IL1RAPL2: variants seen among roughly 807,000 people sequenced by gnomAD.
The protein encoded by IL1RAPL2 is interleukin 1 receptor accessory protein like 2, also known as X-linked interleukin-1 receptor accessory protein-like 2.
Under a neutral mutation model 44.1 loss-of-function variants are expected in IL1RAPL2, and 3 were observed. The observed-to-expected ratio is 0.07, with a 90% CI of 0.03 to 0.18. The LOEUF is 0.18. Ranked by LOEUF, IL1RAPL2 falls within the 10% of genes least tolerant of loss-of-function variation. The probability of loss-of-function intolerance (pLI) is 1.00; values close to 1 mark genes in which losing one functional copy is unlikely to be tolerated. For missense variants in IL1RAPL2, 391 were observed against 496.4 expected, an observed-to-expected ratio of 0.79 and a Z score of 2.02; for synonymous variants, 181 against 178.8, an observed-to-expected ratio of 1.01 and a Z score of -0.10.
Position 105,308,650 on chromosome X carries a change from A to G in IL1RAPL2, c.697+41109A>G, listed in dbSNP as rs139511121. On this transcript the variant is annotated intron_variant, in intron 5 of 10. Coordinates refer to ENST00000372582, the MANE Select transcript of IL1RAPL2 (RefSeq NM_017416.2). ...CTGTGAGATCCATTCATGTTATTGC[A>G]TGTGTCATTCTCCTTTATTACTAAA... Among the ~76,000 whole-genome samples the G allele has an allele frequency of 1.1e-3, 121 of 112,371 alleles. 1 individual carries two copies. Among genetic ancestry groups the G allele is most frequent in the African/African-American group, 3.8e-3 (117 of 30,994 alleles).
At chrX:105,166,949 C>A (rs2033376347) in intron 2 of IL1RAPL2, among the ~76,000 whole-genome samples, 1 of 112,283 alleles carries the variant, frequency 8.9e-6, no homozygotes, top group African/African-American at 3.2e-5. Flanking sequence ...CTTAAACTAA[C>A]TACAAGACCA....
chrX:104,928,375 CCTTCTTAGT>C (rs1924821823), intron 2 of IL1RAPL2, among the ~76,000 whole-genome samples: 2 of 111,106 alleles, frequency 1.8e-5, no homozygotes, highest in South Asian at 7.7e-4. Flanking sequence ...CCCTCATTAT[CCTTCTTAGT>C]CTGCATTGAG....
chrX:105,339,457 A>G (rs190629533), intron 5 of IL1RAPL2, among the ~76,000 whole-genome samples: 39 of 111,962 alleles, frequency 3.5e-4, no homozygotes, highest in African/African-American at 1.2e-3. Context: ...AAAGACAGGG[A>G]GATGATGGAG....
intron 2 of IL1RAPL2, among the ~76,000 whole-genome samples, chrX:104,762,621 C>T (rs1390937374): frequency 8.9e-6 from 1 of 112,989 alleles, no homozygotes; most frequent in African/African-American, 3.2e-5. Context: ...ACTTCCCTAG[C>T]AGAGGTTCTC....
At chrX:105,372,113 A>G (rs2035345727) in intron 5 of IL1RAPL2, among the ~76,000 whole-genome samples, 1 of 111,380 alleles carries the variant, frequency 9.0e-6, no homozygotes, top group Non-Finnish European at 1.9e-5. Flanking sequence ...CTCTTAAGCT[A>G]CAACCTGTCC....
intron 6 of IL1RAPL2, among the ~76,000 whole-genome samples, chrX:105,497,674 A>G (rs1382720974): frequency 1.8e-5 from 2 of 111,935 alleles, no homozygotes; most frequent in Non-Finnish European, 3.8e-5. Context: ...CAAAGTCTTC[A>G]ACAAAATACT....
intron 2 of IL1RAPL2, among the ~76,000 whole-genome samples, chrX:104,905,895 A>T (rs1923982395): frequency 9.0e-6 from 1 of 110,563 alleles, no homozygotes; most frequent in Admixed American, 9.6e-5. Context: ...TACCTTGGGC[A>T]GTATGGCCAT....
chrX:104,794,765 G>T (rs1305618665), intron 2 of IL1RAPL2, among the ~76,000 whole-genome samples: 2 of 111,833 alleles, frequency 1.8e-5, no homozygotes, highest in Non-Finnish European at 3.8e-5. Context: ...GGATGGAAGC[G>T]TTGATAGTAC....
intron 2 of IL1RAPL2, among the ~76,000 whole-genome samples, chrX:104,919,705 T>A: frequency 9.8e-6 from 1 of 102,229 alleles, no homozygotes; most frequent in South Asian, 4.8e-4. Flanking sequence ...TTTTTTTTTT[T>A]TTTTTTTGTA....
At chrX:105,718,381 AAT>A (rs1256084020) in intron 7 of IL1RAPL2, among the ~76,000 whole-genome samples, 1 of 112,061 alleles carries the variant, frequency 8.9e-6, no homozygotes, top group Non-Finnish European at 1.9e-5. Context: ...TGTTATTTAT[AAT>A]TACTCTCATG....
intron 6 of IL1RAPL2, among the ~76,000 whole-genome samples, chrX:105,662,474 TAAAC>T (rs1474351482): frequency 1.8e-5 from 2 of 111,935 alleles, no homozygotes; most frequent in Non-Finnish European, 3.8e-5. Flanking sequence ...ATGCCCAAAA[TAAAC>T]AAGTTAGCCA....
chrX:104,812,374 T>C (rs935914301), intron 2 of IL1RAPL2, among the ~76,000 whole-genome samples: 1 of 111,355 alleles, frequency 9.0e-6, no homozygotes, highest in African/African-American at 3.3e-5. Context: ...AACTGACCCA[T>C]AGACCTTCCC....
chrX:105,543,551 T>G (rs1005217030), intron 6 of IL1RAPL2, among the ~76,000 whole-genome samples: 1 of 111,934 alleles, frequency 8.9e-6, no homozygotes, highest in Admixed American at 9.5e-5. Flanking sequence ...CCTGGAGGGC[T>G]GGCTGAGGCT....
intron 10 of IL1RAPL2, among the ~76,000 whole-genome samples, chrX:105,760,423 G>A (rs2038677345): frequency 9.0e-6 from 1 of 111,662 alleles, no homozygotes. Context: ...GAGGTGGAGG[G>A]TATTTTGCAG....
intron 2 of IL1RAPL2, among the ~76,000 whole-genome samples, chrX:104,891,891 T>G (rs1055693776): frequency 2.7e-5 from 3 of 111,717 alleles, no homozygotes; most frequent in Admixed American, 1.9e-4. Context: ...AAGGGAATGC[T>G]TCCAGTTTTT....
intron 2 of IL1RAPL2, among the ~76,000 whole-genome samples, chrX:105,063,251 A>AT (rs1179830962): frequency 2.7e-5 from 3 of 111,959 alleles, no homozygotes; most frequent in Non-Finnish European, 3.8e-5. Flanking sequence ...AAGCCCCAGA[A>AT]TTTTTCTATT....
At chrX:104,958,326 G>A (rs868456584) in intron 2 of IL1RAPL2, among the ~76,000 whole-genome samples, 2 of 108,016 alleles carry the variant, frequency 1.9e-5, no homozygotes, top group Non-Finnish European at 3.8e-5. Flanking sequence ...CTAGGCCCCA[G>A]GTATCCAGAG....
chrX:104,701,171 T>A (rs1931266979), intron 2 of IL1RAPL2, among the ~76,000 whole-genome samples: 1 of 112,013 alleles, frequency 8.9e-6, no homozygotes, highest in South Asian at 3.7e-4. Flanking sequence ...ACCTCAAAAT[T>A]CTCTTGCATT....
At chrX:105,626,339 T>C (rs2037453024) in intron 6 of IL1RAPL2, among the ~76,000 whole-genome samples, 1 of 110,995 alleles carries the variant, frequency 9.0e-6, no homozygotes, top group Non-Finnish European at 1.9e-5. Flanking sequence ...CATTAATGAG[T>C]TGGAAGAAGG....
Sources: allele counts gnomAD v4.1 joint callset (sites outside exome capture counted in the v4.1 genomes callset), GRCh38; gene constraint gnomAD v4.1.1; transcripts MANE v1.5; gene names NCBI Gene and HGNC (gene_info 2026-07-23, HGNC 2026-07-21).